NDOR1: variants seen among roughly 807,000 people sequenced by gnomAD.
NDOR1 encodes NADPH dependent diflavin oxidoreductase 1, also known as NADPH-dependent diflavin oxidoreductase 1.
In NDOR1, 61 loss-of-function variants were observed where a neutral mutation model predicts 67.2. The observed-to-expected ratio is 0.91, with a 90% CI of 0.74 to 1.12. The LOEUF is 1.12. Among genes scored for constraint, NDOR1 ranks in the 50% most tolerant of loss-of-function variants. NDOR1 has a pLI of 0.00. For synonymous variants in NDOR1, 378 were observed against 343.7 expected (o/e 1.10, Z -1.10); for missense variants, 878 against 802.8 (o/e 1.09, Z -1.13).
At position 137,217,750 on chromosome 9, in the gene NDOR1, C is replaced by T. The variant is rs181080007; in HGVS notation, c.*1334C>T. 2.6e-3 allele frequency: 988 copies of T among 385,798 alleles called. 9 individuals are homozygous for T. Among genetic ancestry groups the T allele is most frequent in the East Asian group, 2.0e-3 (53 of 27,118 alleles). 23.9% of individuals were successfully genotyped at this position (385,798 alleles called of 1,614,324 possible). ...CTTCCCTGAGGGCCGCCCCTGTCGCCGCCCTGGGGTCCCTGTCCTCCTATC... is the reference window on the plus strand; with the variant it reads ...CTTCCCTGAGGGCCGCCCCTGTCGCTGCCCTGGGGTCCCTGTCCTCCTATC... On this transcript the variant is annotated 3_prime_UTR_variant, in exon 14 of 14. Transcript: ENST00000684003.
rs781292253 is a variant in NDOR1 at position 137,214,811 on chromosome 9, C to A, written c.858C>A (p.Pro286=). 34 of 1,603,738 alleles carry A rather than the reference C, an allele frequency of 2.1e-5. No homozygotes were observed. The highest frequency in any genetic ancestry group is 3.3e-5 in the South Asian group (3 of 91,064). The change falls in exon 8 of 14, where the codon CCC becomes CCA. Residue 286 remains proline (P), a synonymous_variant. Transcript: ENST00000684003. The part of the protein sequence containing the change: ...LQPREPDVSS[P]TRLPQPCSMR... Reference sequence around the variant, plus strand: ...CTCACCCTGCAGATGTCTCCTCCCCCACGAGGCTGCCCCAGCCCTGCTCCA... The same window carrying A: ...CTCACCCTGCAGATGTCTCCTCCCCAACGAGGCTGCCCCAGCCCTGCTCCA...
chr9:137,209,731 A>G (rs988032239), intron 2 of NDOR1, among the ~76,000 whole-genome samples: 15 of 152,234 alleles, frequency 9.9e-5, no homozygotes, highest in African/African-American at 3.1e-4. Context: ...CCCCAGCAGC[A>G]GACAGGAGAA....
In NDOR1 at chr9:137,218,069, G is replaced by A. The variant is rs921717819; in HGVS notation, c.*1653G>A. The A allele has an allele frequency of 2.8e-5, 11 of 399,298 alleles. No homozygotes were observed. The highest frequency in any genetic ancestry group is 4.4e-5 in the Non-Finnish European group (10 of 226,616). The allele number at this position is 399,298 out of a possible 1,614,324, so 24.7% of individuals were successfully genotyped here. The stretch of plus-strand genomic sequence containing the variant: ...GCAGGCAGCAGGGCAGGGGGAAGAG[G>A]AGGAGTGCCCGATCTGCACAGAGCC... On this transcript the variant is annotated 3_prime_UTR_variant, in exon 14 of 14. Coordinates refer to ENST00000684003, the MANE Select transcript of NDOR1 (RefSeq NM_014434.4).
chr9:137,218,928 C>T lies in NDOR1; in HGVS notation c.*2512C>T, dbSNP rs1009220504. 3.3e-6 allele frequency: 1 copy of T among 303,184 alleles called. No homozygotes were observed. Among genetic ancestry groups the T allele is most frequent in the African/African-American group, 2.2e-5 (1 of 46,402 alleles). The allele number at this position is 303,184 out of a possible 1,614,324, so 18.8% of individuals were successfully genotyped here. ...CCCCATTCACCCTGCGGCAGACGGG[C>T]ACCGTACTGGCCACGGGCTGACGCC... On this transcript the variant is annotated 3_prime_UTR_variant, in exon 14 of 14. Transcript: ENST00000684003.
Position 137,214,854 on chromosome 9 carries a change from C to A in NDOR1, c.901C>A (p.His301Asn). 1 of 1,609,994 alleles carries A rather than the reference C, an allele frequency of 6.2e-7. No individual in the cohort carries two copies. The change falls in exon 8 of 14, where the codon CAC becomes AAC. Residue 301 changes from histidine (H) to asparagine (N), a missense_variant. Coordinates refer to ENST00000684003, the MANE Select transcript of NDOR1 (RefSeq NM_014434.4). The part of the protein sequence containing the change: ...QPCSMRHLVS[H>N]YLDIASVPRR... ...CTGCTCCATGCGGCACCTCGTGTCC[C>A]ACTACCTGGACATCGCCAGCGTGCC... is the stretch of plus-strand genomic sequence containing the variant.
chr9:137,212,710 G>A lies in NDOR1; in HGVS notation c.311+111G>A, dbSNP rs577211860. 2.8e-5 allele frequency: 28 copies of A among 985,308 alleles called. No homozygotes were observed. The Admixed American group carries it at 3.9e-4, about 14-fold the overall frequency. 61.0% of individuals were successfully genotyped at this position (985,308 alleles called of 1,614,324 possible). A position where few individuals can be genotyped will look rare whatever the true frequency, so the allele number is the denominator to read the frequency against. On this transcript the variant is annotated intron_variant, in intron 3 of 13. Transcript: ENST00000684003. The surrounding 1 kb of genome is among the most constrained non-coding windows in gnomAD (Gnocchi z 4.3). ...CCAGGGTCGGCCCCTGCGCGCCTCA[G>A]GGCCCTCGCAGTGGTACTGGCTTCT...
Position 137,215,097 on chromosome 9 carries a change from GC to G in NDOR1, c.1069del (p.Leu357SerfsTer35). ...NRPRRTILEVLCDFPHTAAAI... is the reference protein window; with the variant it reads ...NRPRRTILEVXCDFPHTAAAI... The stretch of plus-strand genomic sequence containing the variant: ...ACCCTGAGACTCTCTTTGCCTAGGT[GC>G]TCTGTGACTTCCCGCACACAGCTGC... On this transcript the variant is annotated frameshift_variant, in exon 9 of 14. Coordinates refer to ENST00000684003, the MANE Select transcript of NDOR1 (RefSeq NM_014434.4). LOFTEE classifies it high-confidence loss of function. The G allele has an allele frequency of 6.2e-7, 1 of 1,613,720 alleles. No homozygotes were observed. The highest frequency in any genetic ancestry group is 8.5e-7 in the Non-Finnish European group (1 of 1,179,974).
chr9:137,212,479 C>T lies in NDOR1; in HGVS notation c.214-23C>T, dbSNP rs1835307620. On this transcript the variant is annotated intron_variant, in intron 2 of 13. Coordinates refer to ENST00000684003, the MANE Select transcript of NDOR1 (RefSeq NM_014434.4). The surrounding 1 kb of genome is among the most constrained non-coding windows in gnomAD (Gnocchi z 4.3). ...CTAGCCTAGAGGTCGAGGACTCTGA[C>T]TCAGAGTTTCCTCCGGCTGTAGAAC... The T allele has an allele frequency of 6.2e-7, 1 of 1,603,678 alleles. No individual in the cohort carries two copies. The highest frequency in any genetic ancestry group is 1.3e-5 in the African/African-American group (1 of 74,720).
chr9:137,205,837 G>T lies in NDOR1; in HGVS notation c.60G>T (p.Val20=). The part of the protein sequence containing the change: ...FGSQTGTAQD[V]SERLGREARR... ...GCCAGACAGGCACGGCTCAGGATGT[G>T]TCGGAGAGACTGGGTCGCGAGGCCC... The change falls in exon 1 of 14, where the codon GTG becomes GTT. Residue 20 remains valine, a synonymous_variant. Coordinates refer to ENST00000684003, the MANE Select transcript of NDOR1 (RefSeq NM_014434.4). The T allele has an allele frequency of 6.2e-7, 1 of 1,605,070 alleles. No individual in the cohort carries two copies. Among genetic ancestry groups the T allele is most frequent in the Non-Finnish European group, 8.5e-7 (1 of 1,179,494 alleles).
rs1485782695 is a variant in NDOR1, at chr9:137,215,152, C to T, written c.1123C>T (p.Leu375Phe). The change falls in exon 9 of 14, where the codon CTC becomes TTC. Residue 375 changes from leucine (L) to phenylalanine (F), a missense_variant. By Grantham distance (22) the Leu-to-Phe change is conservative (BLOSUM62 0). Coordinates refer to ENST00000684003, the MANE Select transcript of NDOR1 (RefSeq NM_014434.4). ...CATCCCTCCCGACTACCTGTTGGAC[C>T]TCATCCCCGTTATCCGGCCGAGGGC... ...AAIPPDYLLD[L>F]IPVIRPRAFS... is the part of the protein sequence containing the mutation. The T allele has an allele frequency of 1.9e-6, 3 of 1,613,618 alleles. No individual in the cohort carries two copies. The highest frequency in any genetic ancestry group is 2.2e-5 in the East Asian group (1 of 44,880).
At position 137,214,670 on chromosome 9, in the gene NDOR1, A is replaced by C. The variant is rs747021221; in HGVS notation, c.823A>C (p.Met275Leu). 8.7e-6 allele frequency: 14 copies of C among 1,605,306 alleles called. No individual in the cohort carries two copies. In the East Asian group the frequency reaches 3.1e-4, roughly 36 times the overall value. The change falls in exon 7 of 14, where the codon ATG becomes CTG. Residue 275 changes from methionine (M) to leucine (L), a missense_variant. By Grantham distance (15) the Met-to-Leu change is conservative (BLOSUM62 2). Transcript: ENST00000684003. The part of the protein sequence containing the change: ...VLGLDPDQLF[M>L]LQPREPDVSS... ...GGGCCTGGACCCTGACCAGCTCTTC[A>C]TGCTGCAGCCGCGGGAGCCAGGTGA...
At chr9:137,211,597 G>GGGT (rs1835260011) in intron 2 of NDOR1, among the ~76,000 whole-genome samples, 4 of 152,266 alleles carry the variant, frequency 2.6e-5, no homozygotes, top group Admixed American at 2.6e-4. Flanking sequence ...CAGGAAGCAA[G>GGGT]GGTGTCTCAA....
chr9:137,213,748 C>T, intron 3 of NDOR1, 32 bp from the exon 4 acceptor site: 1 of 1,601,578 alleles, frequency 6.2e-7, no homozygotes. Flanking sequence ...CGCCCGGGCT[C>T]CAGCCCAGGA....
rs748206741 is a variant in NDOR1, at chr9:137,205,866, G to C, written c.89G>C (p.Arg30Pro). The stretch of plus-strand genomic sequence containing the variant: ...GAGAGACTGGGTCGCGAGGCCCGGC[G>C]CCGGCGGCTTGGCTGCCGGGTGCAG... ...VSERLGREAR[R>P]RRLGCRVQAL... Residue 30 changes from arginine (R) to proline (P), a missense_variant, in exon 1 of 14, where the codon CGC becomes CCC. By Grantham distance (103) the Arg-to-Pro change is moderately radical. Transcript: ENST00000684003. The C allele has an allele frequency of 1.2e-5, 20 of 1,600,464 alleles. No individual in the cohort carries two copies. Among genetic ancestry groups the C allele is most frequent in the Non-Finnish European group, 1.5e-5 (18 of 1,178,342 alleles).
In NDOR1 at chr9:137,218,333, C is replaced by T. The variant is rs377080924; in HGVS notation, c.*1917C>T. 6 of 398,234 alleles carry T rather than the reference C, an allele frequency of 1.5e-5. No homozygotes were observed. The highest frequency in any genetic ancestry group is 4.1e-5 in the African/African-American group (2 of 48,618). 24.7% of individuals were successfully genotyped at this position (398,234 alleles called of 1,614,324 possible). On this transcript the variant is annotated 3_prime_UTR_variant, in exon 14 of 14. Transcript: ENST00000684003. ...CCGAGAGGCCCCTGCATCCTATCACCGCAACCCTGGGCCCTGGGGCTCCCT... is the reference window on the plus strand; with the variant it reads ...CCGAGAGGCCCCTGCATCCTATCACTGCAACCCTGGGCCCTGGGGCTCCCT...
At chr9:137,211,919 C>T (rs1043430733) in intron 2 of NDOR1, among the ~76,000 whole-genome samples, 5 of 151,986 alleles carry the variant, frequency 3.3e-5, no homozygotes, top group Non-Finnish European at 5.9e-5. Context: ...GTGGAAGGCA[C>T]GGTGTGGAAC....
Position 137,214,201 on chromosome 9 carries a change from C to T in NDOR1, c.513-3C>T, listed in dbSNP as rs1302654839. On this transcript the variant is annotated splice_region_variant and splice_polypyrimidine_tract_variant and intron_variant, in intron 5 of 13. Transcript: ENST00000684003. ...CTGGTCTGACCAGCGTGCCCTCCCA[C>T]AGCCTGCCCTCCAAGTTCACCCTGC... is the stretch of plus-strand genomic sequence containing the variant. 1 of 1,609,152 alleles carries T rather than the reference C, an allele frequency of 6.2e-7. No homozygotes were observed.
rs371642590 is a variant in NDOR1 at position 137,212,720 on chromosome 9, A to G, written c.311+121A>G. 26 of 872,098 alleles carry G rather than the reference A, an allele frequency of 3.0e-5. No homozygotes were observed. In the South Asian group the frequency reaches 3.0e-4, roughly 10 times the overall value. The allele number at this position is 872,098 out of a possible 1,614,324, so 54.0% of individuals were successfully genotyped here. A position where few individuals can be genotyped will look rare whatever the true frequency, so the allele number is the denominator to read the frequency against. On this transcript the variant is annotated intron_variant, in intron 3 of 13. Transcript: ENST00000684003. This position sits in a 1 kb window ranked among gnomAD's most constrained non-coding sequence, Gnocchi z 4.3. Reference sequence around the variant, plus strand: ...CCCCTGCGCGCCTCAGGGCCCTCGCAGTGGTACTGGCTTCTCCACAACGCT... The same window carrying G: ...CCCCTGCGCGCCTCAGGGCCCTCGCGGTGGTACTGGCTTCTCCACAACGCT...
rs763860213 is a variant in NDOR1 at position 137,215,779 on chromosome 9, A to G, written c.1409A>G (p.Gln470Arg). The part of the protein sequence containing the change: ...TGVAPFRAAI[Q>R]ERVAQGQTGN... ...GTAGCCCCCTTCCGAGCAGCCATCCAGGAGCGTGTGGCCCAGGGCCAGACT... is the reference window on the plus strand; with the variant it reads ...GTAGCCCCCTTCCGAGCAGCCATCCGGGAGCGTGTGGCCCAGGGCCAGACT... The change falls in exon 11 of 14, where the codon CAG becomes CGG. Residue 470 changes from glutamine (Q) to arginine (R), a missense_variant. Gln to Arg is a conservative substitution (Grantham distance 43). Coordinates refer to ENST00000684003, the MANE Select transcript of NDOR1 (RefSeq NM_014434.4). 1 of 1,597,682 alleles carries G rather than the reference A, an allele frequency of 6.3e-7. No homozygotes were observed. Among genetic ancestry groups the G allele is most frequent in the Admixed American group, 1.7e-5 (1 of 58,892 alleles).
Sources: gnomAD v4.1 joint callset for allele counts (sites outside exome capture counted in the v4.1 genomes callset) on GRCh38, gnomAD v4.1.1 for gene constraint, Gnocchi (gnomAD v3.1) non-coding constraint, MANE v1.5 for transcripts, NCBI Gene and HGNC (gene_info 2026-07-23, HGNC 2026-07-21) for gene names.